The following MAMDC2 variants were observed in gnomAD, a reference collection of about 807,000 sequenced individuals.
MAMDC2 encodes MAM domain containing 2, also known as MAM domain-containing protein 2.
Under a neutral mutation model 89.8 loss-of-function variants are expected in MAMDC2, and 57 were observed. The observed-to-expected ratio is 0.63, with a 90% confidence interval of 0.51 to 0.79. The LOEUF is 0.79. Ranked by LOEUF, MAMDC2 falls within the 30% of genes least tolerant of loss-of-function variation. MAMDC2 has a pLI of 0.00. For missense variants in MAMDC2, 800 were observed against 820.6 expected (o/e 0.97, Z 0.31); for synonymous variants, 313 against 293.4 (o/e 1.07, Z -0.68).
intron 10 of MAMDC2, 143 bp from the exon 11 acceptor site, chr9:70,170,336 G>A (rs989602431): frequency 2.7e-5 from 22 of 805,406 alleles, no homozygotes; most frequent in East Asian, 5.7e-5. Flanking sequence ...CAGTGGCTCC[G>A]TGTAGGTGGG....
intron 11 of MAMDC2, among the ~76,000 whole-genome samples, chr9:70,206,861 T>C (rs1050768417): frequency 1.3e-5 from 2 of 152,156 alleles, no homozygotes; most frequent in African/African-American, 4.8e-5. Flanking sequence ...TTCCCACCTA[T>C]GAGTGAGAAC....
intron 11 of MAMDC2, among the ~76,000 whole-genome samples, chr9:70,174,313 G>A (rs1014208727): frequency 1.3e-5 from 2 of 152,280 alleles, no homozygotes; most frequent in Non-Finnish European, 2.9e-5. Flanking sequence ...TCTAGTAGAG[G>A]AGACAGACAA....
intron 9 of MAMDC2, among the ~76,000 whole-genome samples, chr9:70,163,720 GAGGC>G (rs2032065257): frequency 6.6e-6 from 1 of 152,006 alleles, no homozygotes; most frequent in Non-Finnish European, 1.5e-5. Flanking sequence ...CTGGGAGGCT[GAGGC>G]AGGCAGATCA....
rs1230973796 is a variant in MAMDC2 at position 70,108,224 on chromosome 9, T to C, written c.162T>C (p.Tyr54=). ...WILNEEGHYI[Y]VDTSFGKQGE... is the part of the protein sequence containing the mutation. ...TTCTCTTTCCAGGCCATTACATTTA[T>C]GTGGATACCTCCTTTGGCAAGCAGG... Residue 54 remains tyrosine, a synonymous_variant, in exon 3 of 14, where the codon TAT becomes TAC. Coordinates refer to ENST00000377182, the MANE Select transcript of MAMDC2 (RefSeq NM_153267.5). The C allele has an allele frequency of 1.9e-6, 3 of 1,597,126 alleles. No individual in the cohort carries two copies. Among genetic ancestry groups the C allele is most frequent in the South Asian group, 2.3e-5 (2 of 87,906 alleles).
chr9:70,044,143 C>A lies in MAMDC2; in HGVS notation c.-55C>A. 6.2e-7 allele frequency: 1 copy of A among 1,607,176 alleles called. No individual in the cohort carries two copies. Among genetic ancestry groups the A allele is most frequent in the Non-Finnish European group, 8.5e-7 (1 of 1,174,720 alleles). On this transcript the variant is annotated 5_prime_UTR_variant, in exon 1 of 14. Coordinates refer to ENST00000377182, the MANE Select transcript of MAMDC2 (RefSeq NM_153267.5). ...ATCCCTTTCACTAGGAGCAGCCAGT[C>A]CCAGCGGGCTGGCAACTTGCACCCC...
chr9:70,217,711 A>T (rs879279681), intron 11 of MAMDC2: 16 of 1,347,492 alleles, frequency 1.2e-5, no homozygotes, highest in South Asian at 5.0e-5. Flanking sequence ...ATTATATTTA[A>T]AAAAATTACA....
At position 70,170,675 on chromosome 9, in the gene MAMDC2, A is replaced by C. The variant is rs779800569; in HGVS notation, c.1651+44A>C. The C allele has an allele frequency of 1.5e-5, 22 of 1,513,690 alleles. No individual in the cohort carries two copies. The South Asian group carries it at 2.6e-4, about 18-fold the overall frequency. 93.8% of individuals were successfully genotyped at this position (1,513,690 alleles called of 1,614,324 possible). A position where few individuals can be genotyped will look rare whatever the true frequency, so the allele number is the denominator to read the frequency against. ...TGCTGTTTCCTAAGGAAAGCTTCTA[A>C]AATAGCATTCTAGGAATCGTTTACT... is the stretch of plus-strand genomic sequence containing the variant. On this transcript the variant is annotated intron_variant, in intron 11 of 13. Coordinates refer to ENST00000377182, the MANE Select transcript of MAMDC2 (RefSeq NM_153267.5).
chr9:70,217,080 A>G (rs2033461652), intron 11 of MAMDC2: 2 of 493,266 alleles, frequency 4.1e-6, no homozygotes, highest in Admixed American at 3.5e-5. Flanking sequence ...CCTGAAGCCA[A>G]TAAATTTAAA....
intron 11 of MAMDC2, among the ~76,000 whole-genome samples, chr9:70,185,177 C>A (rs2032725360): frequency 6.6e-6 from 1 of 152,332 alleles, no homozygotes. Flanking sequence ...GAGATCCATT[C>A]CAGACCCTGT....
intron 10 of MAMDC2, 32 bp from the exon 11 acceptor site, chr9:70,170,447 C>T (rs1007281398): frequency 1.3e-6 from 2 of 1,580,596 alleles, no homozygotes; most frequent in Non-Finnish European, 1.7e-6. Context: ...GAAAGAGTCT[C>T]AGTGATTGCA....
At chr9:70,108,881 T>C (rs1304297356) in intron 3 of MAMDC2, among the ~76,000 whole-genome samples, 2 of 152,152 alleles carry the variant, frequency 1.3e-5, no homozygotes, top group African/African-American at 4.8e-5. Context: ...GAACAAAAGA[T>C]TATAATAAAA....
chr9:70,154,424 A>G (rs1455503539), intron 9 of MAMDC2, among the ~76,000 whole-genome samples: 3 of 152,174 alleles, frequency 2.0e-5, no homozygotes. Context: ...GCACCTGAGC[A>G]ATTTGTCCTA....
At chr9:70,067,520 T>C (rs764000078) in intron 2 of MAMDC2, among the ~76,000 whole-genome samples, 1 of 152,106 alleles carries the variant, frequency 6.6e-6, no homozygotes, top group African/African-American at 2.4e-5. Flanking sequence ...AGGAAAAAGG[T>C]TGCCCATATC....
chr9:70,085,556 G>A (rs973683156), intron 2 of MAMDC2, among the ~76,000 whole-genome samples: 9 of 151,968 alleles, frequency 5.9e-5, no homozygotes, highest in African/African-American at 1.7e-4. Context: ...TAATCCTGAC[G>A]CCATCTGTGT....
rs1828283111 is a variant in MAMDC2, at chr9:70,104,563, T to C, written c.149-3648T>C. On this transcript the variant is annotated intron_variant, in intron 2 of 13. Transcript: ENST00000377182. ...ATCCAAATGTCCATCAACTAATGAA[T>C]GAATAAATAAAATGTGGTAATCCAT... 2.6e-5 allele frequency among the ~76,000 whole-genome samples: 4 copies of C among 152,266 alleles called. No individual in the cohort carries two copies. In the South Asian group the frequency reaches 8.3e-4, roughly 32 times the overall value.
At chr9:70,129,045 TCTC>T (rs1397280282) in intron 6 of MAMDC2, among the ~76,000 whole-genome samples, 1 of 152,140 alleles carries the variant, frequency 6.6e-6, no homozygotes, top group Non-Finnish European at 1.5e-5. Context: ...TCTCATTTAA[TCTC>T]CTCAACAGTC....
intron 9 of MAMDC2, among the ~76,000 whole-genome samples, chr9:70,145,485 G>T (rs1236532361): frequency 6.6e-6 from 1 of 151,984 alleles, no homozygotes; most frequent in Non-Finnish European, 1.5e-5. Flanking sequence ...CACTTCTTAG[G>T]GATCCCAAAG....
At chr9:70,171,922 G>A (rs2032362268) in intron 11 of MAMDC2, 1 of 152,194 alleles carries the variant, frequency 6.6e-6, no homozygotes. Flanking sequence ...TGGGCCACAT[G>A]CAACCTGTGG....
intron 2 of MAMDC2, among the ~76,000 whole-genome samples, chr9:70,053,794 G>A (rs543645561): frequency 4.6e-5 from 7 of 152,286 alleles, no homozygotes; most frequent in East Asian, 3.9e-4. Flanking sequence ...GAGCTGTGAG[G>A]AGGCTCAATT....
Sources: gnomAD v4.1 joint callset for allele counts (sites outside exome capture counted in the v4.1 genomes callset) on GRCh38, gnomAD v4.1.1 for gene constraint, MANE v1.5 for transcripts, NCBI Gene and HGNC (gene_info 2026-07-23, HGNC 2026-07-21) for gene names.